Variants in CELF2 observed in about 807,000 individuals in gnomAD.
The protein encoded by CELF2 is CUG triplet repeat RNA-binding protein 2.
A neutral mutation model predicts 62.6 loss-of-function variants in CELF2; 8 were observed. The observed-to-expected ratio is 0.13, with a 90% CI of 0.07 to 0.23. The LOEUF is 0.23. Ranked by LOEUF, CELF2 falls within the 10% of genes least tolerant of loss-of-function variation. The pLI, the probability that CELF2 is intolerant of heterozygous loss-of-function variation, is 1.00. For missense variants in CELF2, 333 were observed against 671.0 expected (o/e 0.50, Z 5.56); for synonymous variants, 258 against 250.0 (o/e 1.03, Z -0.30).
chr10:10,701,403 G>A, the CELF2 span, among the ~76,000 whole-genome samples: 5 of 152,238 alleles, frequency 3.3e-5, no homozygotes, highest in South Asian at 6.2e-4. Context: ...TCACTTGTCA[G>A]AAAGGGTCAT....
the CELF2 span, among the ~76,000 whole-genome samples, chr10:10,712,519 C>T: frequency 1.3e-5 from 2 of 152,246 alleles, no homozygotes; most frequent in East Asian, 3.9e-4. Context: ...GCCCTCCTTT[C>T]CTACCCTCTT....
chr10:10,948,791 A>G (rs1190663332), intron 2 of CELF2, among the ~76,000 whole-genome samples: 1 of 151,968 alleles, frequency 6.6e-6, no homozygotes. Flanking sequence ...TTACGTTCTA[A>G]ATCTTGGGGT....
chr10:10,885,471 G>T (rs1289759341), intron 1 of CELF2, among the ~76,000 whole-genome samples: 1 of 151,598 alleles, frequency 6.6e-6, no homozygotes, highest in Non-Finnish European at 1.5e-5. Flanking sequence ...AATTTATTGT[G>T]ATGAACTGTA....
the CELF2 span, among the ~76,000 whole-genome samples, chr10:10,522,383 C>T: frequency 8.5e-5 from 13 of 152,258 alleles, no homozygotes; most frequent in Admixed American, 6.5e-4. Flanking sequence ...ATTGGAATTG[C>T]GTTCATGAAT....
intron 1 of CELF2, chr10:10,798,926 G>A: frequency 2.5e-6 from 1 of 398,000 alleles, no homozygotes; most frequent in Non-Finnish European, 4.4e-6. Context: ...AATGCACCTT[G>A]TGGGGTTCAG....
chr10:11,035,571 G>C (rs2060815774), intron 1 of CELF2, among the ~76,000 whole-genome samples: 1 of 152,230 alleles, frequency 6.6e-6, no homozygotes, highest in African/African-American at 2.4e-5. Flanking sequence ...AGCTCAGCCA[G>C]ATTTAATGGC....
At chr10:10,491,956 C>G in the CELF2 span, among the ~76,000 whole-genome samples, 1 of 151,874 alleles carries the variant, frequency 6.6e-6, no homozygotes, top group South Asian at 2.1e-4. Context: ...TCTTGAATGC[C>G]CCATCCCTCT....
At chr10:11,283,006 G>A (rs915468455) in intron 8 of CELF2, among the ~76,000 whole-genome samples, 6 of 152,196 alleles carry the variant, frequency 3.9e-5, no homozygotes, top group African/African-American at 7.2e-5. Context: ...GGGCCCAAGC[G>A]ATCCTTTAGC....
chr10:11,049,358 A>G (rs907088430), intron 1 of CELF2, among the ~76,000 whole-genome samples: 3 of 151,852 alleles, frequency 2.0e-5, no homozygotes, highest in Non-Finnish European at 4.4e-5. Flanking sequence ...TGAATCCTAT[A>G]GTCGTTTTAC....
the CELF2 span, among the ~76,000 whole-genome samples, chr10:10,730,038 A>G: frequency 6.6e-6 from 1 of 152,210 alleles, no homozygotes; most frequent in Non-Finnish European, 1.5e-5. Flanking sequence ...GTGGATTAAG[A>G]TAGAGAAAAT....
At chr10:10,917,083 T>G (rs1471097664) in intron 1 of CELF2, among the ~76,000 whole-genome samples, 1 of 152,204 alleles carries the variant, frequency 6.6e-6, no homozygotes, top group South Asian at 2.1e-4. Flanking sequence ...TTGTATTTCA[T>G]CAATTTTACA....
intron 1 of CELF2, among the ~76,000 whole-genome samples, chr10:11,009,573 A>G (rs2056056553): frequency 6.6e-6 from 1 of 152,108 alleles, no homozygotes; most frequent in African/African-American, 2.4e-5. Context: ...AGACCATCAA[A>G]GTTAACAGGA....
At chr10:11,016,529 TGTAA>T (rs375496776), upstream of CELF2, among the ~76,000 whole-genome samples, 420 of 152,352 alleles carry the variant, frequency 2.8e-3, 2 homozygotes, top group African/African-American at 9.6e-3. This position sits in a 1 kb window ranked among gnomAD's most constrained non-coding sequence, Gnocchi z 5.2. Context: ...AAAATTGATA[TGTAA>T]GTGTCCATTT....
the CELF2 span, among the ~76,000 whole-genome samples, chr10:10,659,243 T>G: frequency 6.6e-6 from 1 of 152,328 alleles, no homozygotes; most frequent in Non-Finnish European, 1.5e-5. Flanking sequence ...ATGTGCCCCA[T>G]GTACAAATAA....
At chr10:11,266,135 CATTTGCCCTTGGTGTGAGGATTTTCTT>C (rs1455296243) in intron 5 of CELF2, among the ~76,000 whole-genome samples, 3 of 152,110 alleles carry the variant, frequency 2.0e-5, no homozygotes, top group African/African-American at 4.8e-5. Flanking sequence ...TTTATTTGCT[CATTTGCCCTTGGTGTGAGGATTTTCTT>C]ATTTGCCCCT....
Position 11,282,730 on chromosome 10 carries a change from G to T in CELF2, c.842-5688G>T, listed in dbSNP as rs577711504. On this transcript the variant is annotated intron_variant, in intron 8 of 12. Coordinates refer to ENST00000633077, the MANE Select transcript of CELF2 (RefSeq NM_001326342.2). ...CAAGGTGCAAACAGGTAACGAGCTT[G>T]CTCCAGGTAACAGGCTGCCAGTAAG... 3.9e-5 allele frequency among the ~76,000 whole-genome samples: 6 copies of T among 152,342 alleles called. No homozygotes were observed. The East Asian group carries it at 1.2e-3, about 29-fold the overall frequency.
chr10:11,181,818 G>A (rs2073483370), intron 2 of CELF2, among the ~76,000 whole-genome samples: 1 of 152,168 alleles, frequency 6.6e-6, no homozygotes, highest in Non-Finnish European at 1.5e-5. Context: ...AACATTTCCT[G>A]ATGGAGAGAA....
At chr10:10,540,121 A>G in the CELF2 span, among the ~76,000 whole-genome samples, 2 of 152,296 alleles carry the variant, frequency 1.3e-5, no homozygotes, top group East Asian at 3.9e-4. Flanking sequence ...AGAAGCTTGT[A>G]CCTTCTCTTG....
intron 1 of CELF2, among the ~76,000 whole-genome samples, chr10:11,040,645 C>T (rs866680470): frequency 2.0e-5 from 3 of 152,166 alleles, no homozygotes; most frequent in African/African-American, 4.8e-5. Flanking sequence ...CTTATGTGCC[C>T]GTTACCATCC....
Sources: gnomAD v4.1 joint callset for allele counts (sites outside exome capture counted in the v4.1 genomes callset) on GRCh38, gnomAD v4.1.1 for gene constraint, Gnocchi (gnomAD v3.1) non-coding constraint, MANE v1.5 for transcripts, NCBI Gene and HGNC (gene_info 2026-07-23, HGNC 2026-07-21) for gene names.